Variants in FBXW10B observed in about 807,000 individuals in gnomAD.
FBXW10B encodes the protein F-box and WD repeat domain containing 10B.
chr17:15,582,539 A>G, the FBXW10B span, among the ~76,000 whole-genome samples: 101 of 151,940 alleles, frequency 6.6e-4, 1 homozygote, highest in South Asian at 1.0e-3. Flanking sequence ...CTTTCTACTT[A>G]ACAGTTCCAA....
chr17:15,603,462 G>T, the FBXW10B span, among the ~76,000 whole-genome samples: 1 of 151,936 alleles, frequency 6.6e-6, no homozygotes, highest in African/African-American at 2.4e-5. Flanking sequence ...CATATGAAAA[G>T]GTGTTCAACT....
the FBXW10B span, among the ~76,000 whole-genome samples, chr17:15,608,453 C>A: frequency 1.3e-5 from 2 of 149,238 alleles, no homozygotes; most frequent in East Asian, 2.0e-4. Context: ...AGCCACCAGG[C>A]CCGGCTGCAA....
chr17:15,619,699 A>C, the FBXW10B span: 1 of 855,284 alleles, frequency 1.2e-6, no homozygotes, highest in African/African-American at 1.9e-5. Context: ...CTGCCAGCAG[A>C]AGTCTGGCTT....
the FBXW10B span, chr17:15,573,166 A>T: frequency 6.6e-6 from 1 of 152,186 alleles, no homozygotes; most frequent in Non-Finnish European, 1.5e-5. Context: ...CCTGTAATTC[A>T]TTATAAGGGA....
chr17:15,575,122 C>T, the FBXW10B span, among the ~76,000 whole-genome samples: 33,892 of 131,324 alleles, frequency 0.26, 1,456 homozygotes, highest in African/African-American at 0.38. Context: ...TAAAAGTGAA[C>T]GTTCCCAATA....
the FBXW10B span, among the ~76,000 whole-genome samples, chr17:15,576,196 T>C: frequency 6.6e-6 from 1 of 152,210 alleles, no homozygotes; most frequent in Non-Finnish European, 1.5e-5. Flanking sequence ...TTTTTAGTGA[T>C]ATCCTTTTTG....
the FBXW10B span, chr17:15,588,900 T>G: frequency 6.2e-7 from 1 of 1,614,134 alleles, no homozygotes; most frequent in South Asian, 1.1e-5. Flanking sequence ...TTCCAGGAGT[T>G]GCCATTCTGA....
At chr17:15,576,129 C>A in the FBXW10B span, among the ~76,000 whole-genome samples, 1 of 152,148 alleles carries the variant, frequency 6.6e-6, no homozygotes, top group Non-Finnish European at 1.5e-5. Context: ...CATCTACTAT[C>A]TTTTATCAAA....
At chr17:15,589,567 C>T in the FBXW10B span, among the ~76,000 whole-genome samples, 1 of 151,092 alleles carries the variant, frequency 6.6e-6, no homozygotes, top group East Asian at 1.9e-4. Context: ...TTGCTTAAAT[C>T]GTTCATACTG....
At chr17:15,595,923 T>TTTC in the FBXW10B span, among the ~76,000 whole-genome samples, 1 of 151,152 alleles carries the variant, frequency 6.6e-6, no homozygotes, top group Admixed American at 6.6e-5. Flanking sequence ...ATACTCTTTT[T>TTTC]TTTTTTTTTG....
the FBXW10B span, among the ~76,000 whole-genome samples, chr17:15,612,273 C>T: frequency 6.6e-5 from 10 of 152,014 alleles, no homozygotes; most frequent in South Asian, 1.0e-3. Context: ...TTTGGGAGGC[C>T]GAGGCGGGCG....
the FBXW10B span, among the ~76,000 whole-genome samples, chr17:15,582,409 C>T: frequency 2.7e-5 from 4 of 150,694 alleles, no homozygotes; most frequent in Non-Finnish European, 4.4e-5. Context: ...AACAGCTAAA[C>T]TTCAACAACC....
the FBXW10B span, chr17:15,607,625 T>C: frequency 6.2e-7 from 1 of 1,613,816 alleles, no homozygotes; most frequent in Non-Finnish European, 8.5e-7. Context: ...ATTTCTCTCC[T>C]CCATCAGGAC....
the FBXW10B span, among the ~76,000 whole-genome samples, chr17:15,579,451 G>A: frequency 9.9e-5 from 15 of 152,230 alleles, no homozygotes; most frequent in African/African-American, 3.4e-4. Context: ...ACAGTTTTCT[G>A]TAGAGGCTTT....
the FBXW10B span, among the ~76,000 whole-genome samples, chr17:15,577,545 G>A: frequency 6.6e-6 from 1 of 151,670 alleles, no homozygotes; most frequent in South Asian, 2.1e-4. Context: ...TGAATATGAA[G>A]AGTTAACTGT....
the FBXW10B span, chr17:15,612,830 A>G: frequency 1.2e-6 from 2 of 1,601,520 alleles, no homozygotes; most frequent in Admixed American, 1.7e-5. Flanking sequence ...ACCCCTGGAA[A>G]AACAAAAAAA....
chr17:15,569,259 A>T, the FBXW10B span, among the ~76,000 whole-genome samples: 19 of 152,034 alleles, frequency 1.2e-4, no homozygotes, highest in African/African-American at 4.6e-4. Flanking sequence ...CCCCGTCAAC[A>T]GTGTGTAAGA....
At chr17:15,602,091 G>A in the FBXW10B span, among the ~76,000 whole-genome samples, 7 of 149,418 alleles carry the variant, frequency 4.7e-5, no homozygotes, top group South Asian at 4.2e-4. Context: ...TAGCCTGGGC[G>A]AGAGAGCGAG....
the FBXW10B span, chr17:15,614,004 T>C: frequency 6.2e-7 from 1 of 1,608,222 alleles, no homozygotes; most frequent in Non-Finnish European, 8.5e-7. Context: ...ATTTCGGATA[T>C]ACACCGGAGT....
Sources: allele counts gnomAD v4.1 joint callset (sites outside exome capture counted in the v4.1 genomes callset), GRCh38; gene constraint gnomAD v4.1.1; transcripts MANE v1.5; gene names NCBI Gene and HGNC (gene_info 2026-07-23, HGNC 2026-07-21).